The following CCDC171 variants were observed in gnomAD, a reference collection of about 807,000 sequenced individuals.
The protein encoded by CCDC171 is coiled-coil domain-containing protein 171.
In CCDC171, 177 loss-of-function variants were observed where a neutral mutation model predicts 168.2. The ratio of observed to expected loss-of-function variants is 1.05; its 90% CI spans 0.93 to 1.19. The LOEUF is 1.19. Ranked by LOEUF, CCDC171 falls within the 50% of genes most tolerant of loss-of-function variation. CCDC171 has a pLI of 0.00. For missense variants in CCDC171, 1,991 were observed against 1,539.0 expected (o/e 1.29, Z -4.91); for synonymous variants, 687 against 540.8 (o/e 1.27, Z -3.75).
the CCDC171 span, among the ~76,000 whole-genome samples, chr9:16,104,541 C>G: frequency 6.6e-6 from 1 of 152,292 alleles, no homozygotes; most frequent in East Asian, 1.9e-4. Context: ...TTAAGCTACA[C>G]TGGACCCACA....
chr9:16,009,594 C>G (rs1429494873), intron 3 of CCDC171, among the ~76,000 whole-genome samples: 1 of 152,150 alleles, frequency 6.6e-6, no homozygotes, highest in African/African-American at 2.4e-5. Flanking sequence ...TGAGAATCAT[C>G]ACTTAGTAGT....
At chr9:15,835,816 T>C (rs923777035) in intron 21 of CCDC171, among the ~76,000 whole-genome samples, 3 of 152,202 alleles carry the variant, frequency 2.0e-5, no homozygotes, top group African/African-American at 7.2e-5. Flanking sequence ...GTCATTACTA[T>C]TTTGGTTTAT....
chr9:15,667,332 C>A (rs1274593605), intron 9 of CCDC171, among the ~76,000 whole-genome samples: 1 of 152,024 alleles, frequency 6.6e-6, no homozygotes, highest in African/African-American at 2.4e-5. Flanking sequence ...TTTATAGCCA[C>A]AATATAAAGA....
chr9:15,907,555 C>A (rs569805761), intron 24 of CCDC171, among the ~76,000 whole-genome samples: 3 of 152,260 alleles, frequency 2.0e-5, no homozygotes, highest in East Asian at 1.9e-4. Flanking sequence ...CATAAAAACC[C>A]TAGAAGAAAA....
At chr9:15,584,548 A>T (rs543431099) in intron 4 of CCDC171, among the ~76,000 whole-genome samples, 2 of 152,280 alleles carry the variant, frequency 1.3e-5, no homozygotes, top group African/African-American at 4.8e-5. Flanking sequence ...GTTCAGTAGC[A>T]TTTCTTTCTT....
chr9:16,085,458 G>T, the CCDC171 span, among the ~76,000 whole-genome samples: 1 of 152,194 alleles, frequency 6.6e-6, no homozygotes, highest in Non-Finnish European at 1.5e-5. Context: ...AGTGCCACTG[G>T]CCTACAGCTC....
intron 20 of CCDC171, among the ~76,000 whole-genome samples, chr9:15,784,226 G>C (rs1006714707): frequency 4.2e-4 from 64 of 152,120 alleles, no homozygotes; most frequent in African/African-American, 1.5e-3. Context: ...AAGTGCTCAT[G>C]TATGAAAATT....
At chr9:15,589,508 A>C (rs1440245153) in intron 4 of CCDC171, among the ~76,000 whole-genome samples, 1 of 152,204 alleles carries the variant, frequency 6.6e-6, no homozygotes, top group East Asian at 1.9e-4. Context: ...GTTAATGTGA[A>C]ATGTCAACCC....
intron 15 of CCDC171, among the ~76,000 whole-genome samples, chr9:15,728,734 CT>C (rs1173489191): frequency 6.6e-6 from 1 of 152,004 alleles, no homozygotes; most frequent in Admixed American, 6.6e-5. Flanking sequence ...CACATTGGTT[CT>C]TATCCTGGGT....
At chr9:15,606,623 T>C (rs769999529) in intron 6 of CCDC171, among the ~76,000 whole-genome samples, 1 of 152,232 alleles carries the variant, frequency 6.6e-6, no homozygotes, top group Non-Finnish European at 1.5e-5. Flanking sequence ...CTTTTCTAAC[T>C]AGTGTAATTC....
chr9:15,900,408 G>T (rs568199312), intron 24 of CCDC171, among the ~76,000 whole-genome samples: 2 of 152,266 alleles, frequency 1.3e-5, no homozygotes, highest in East Asian at 1.9e-4. Flanking sequence ...TTTCACAATG[G>T]CAAGTAAGTG....
At chr9:15,719,400 G>A (rs1324425723) in intron 11 of CCDC171, among the ~76,000 whole-genome samples, 17 of 93,374 alleles carry the variant, frequency 1.8e-4, no homozygotes, top group Admixed American at 6.3e-4. Context: ...GGGGGGGTGG[G>A]GGGCGGGGCG....
chr9:15,778,536 C>T (rs2135404644), intron 19 of CCDC171, among the ~76,000 whole-genome samples: 1 of 148,126 alleles, frequency 6.8e-6, no homozygotes, highest in African/African-American at 2.5e-5. Context: ...ATCCCAGCTA[C>T]TCAGGAGGCT....
At chr9:16,016,531 T>C (rs16933957) in intron 3 of CCDC171, among the ~76,000 whole-genome samples, 2,772 of 152,242 alleles carry the variant, frequency 0.018, 82 homozygotes, top group African/African-American at 0.062. Flanking sequence ...CCTGAGAAGA[T>C]GTCAACTCCC....
intron 25 of CCDC171, among the ~76,000 whole-genome samples, chr9:15,946,977 C>A (rs1828476025): frequency 6.6e-6 from 1 of 151,896 alleles, no homozygotes. Flanking sequence ...GTACAATTAG[C>A]ATTTTAATCT....
chr9:15,644,761 G>C (rs2046903866), intron 7 of CCDC171, among the ~76,000 whole-genome samples: 1 of 152,198 alleles, frequency 6.6e-6, no homozygotes, highest in African/African-American at 2.4e-5. Context: ...AAACTGGGTG[G>C]AGCCCACCGC....
rs181348238 is a variant in CCDC171 at position 15,588,770 on chromosome 9, C to T, written c.353-2596C>T. 5.5e-4 allele frequency among the ~76,000 whole-genome samples: 82 copies of T among 148,658 alleles called. 3 individuals are homozygous for T. The East Asian group carries it at 7.7e-3, about 14-fold the overall frequency. ...TCACCCAGGCTGGAGTGCAGTGGCA[C>T]GACCTCGGCTCACTGCAAGCTCCAC... On this transcript the variant is annotated intron_variant, in intron 4 of 25. Transcript: ENST00000380701.
chr9:15,706,216 TCTTC>T (rs148383501), intron 11 of CCDC171, among the ~76,000 whole-genome samples: 1,701 of 149,420 alleles, frequency 0.011, 24 homozygotes, highest in African/African-American at 0.039. Context: ...ACCCATGTAG[TCTTC>T]CTTCCTTCCT....
chr9:16,102,331 C>T, the CCDC171 span, among the ~76,000 whole-genome samples: 1 of 152,180 alleles, frequency 6.6e-6, no homozygotes, highest in Non-Finnish European at 1.5e-5. Context: ...TCCTACACAC[C>T]TTCCTTTCCA....
Sources: gnomAD v4.1 joint callset for allele counts (sites outside exome capture counted in the v4.1 genomes callset) on GRCh38, gnomAD v4.1.1 for gene constraint, MANE v1.5 for transcripts, NCBI Gene and HGNC (gene_info 2026-07-23, HGNC 2026-07-21) for gene names.